Variants in PPM1B observed in about 807,000 individuals in gnomAD.
PPM1B encodes protein phosphatase 1B.
PPM1B carries 22 observed loss-of-function variants against 43.0 expected under a neutral mutation model. That is an observed-to-expected ratio of 0.51 (90% CI 0.37 to 0.73). The LOEUF (loss-of-function observed/expected upper bound fraction) is 0.73. Among genes scored for constraint, PPM1B ranks in the 30% least tolerant of loss-of-function variants. The pLI is 0.00. For synonymous variants in PPM1B, 217 were observed against 197.9 expected (o/e 1.10, Z -0.81); for missense variants, 632 against 584.2 (o/e 1.08, Z -0.84).
At chr2:44,238,339 T>C (rs899948312), downstream of PPM1B, among the ~76,000 whole-genome samples, 36 of 152,332 alleles carry the variant, frequency 2.4e-4, no homozygotes, top group Non-Finnish European at 4.6e-4. Flanking sequence ...ATATTTGCTA[T>C]TAAAATTGTA....
chr2:44,216,454 C>G (rs1182861670), intron 3 of PPM1B, among the ~76,000 whole-genome samples: 1 of 152,132 alleles, frequency 6.6e-6, no homozygotes, highest in African/African-American at 2.4e-5. Flanking sequence ...ACTTACAGTC[C>G]TGCTTTCATG....
chr2:44,223,072 T>C (rs1670047562), intron 5 of PPM1B, among the ~76,000 whole-genome samples: 1 of 152,186 alleles, frequency 6.6e-6, no homozygotes, highest in African/African-American at 2.4e-5. Context: ...GCTCAAGTTA[T>C]CTTCCTACCT....
intron 3 of PPM1B, among the ~76,000 whole-genome samples, chr2:44,211,246 C>T (rs534250780): frequency 2.6e-5 from 4 of 152,200 alleles, no homozygotes; most frequent in Non-Finnish European, 5.9e-5. Flanking sequence ...GTCCAGGATG[C>T]AGTCTAGAGC....
At position 44,169,285 on chromosome 2, in the gene PPM1B, C is replaced by G. The variant is rs1211350455; in HGVS notation, c.-15+11C>G. The G allele has an allele frequency of 6.6e-6, 1 of 152,488 alleles. No individual in the cohort carries two copies. The highest frequency in any genetic ancestry group is 2.4e-5 in the African/African-American group (1 of 41,472). The allele number at this position is 152,488 out of a possible 1,614,324, so 9.4% of individuals were successfully genotyped here. On this transcript the variant is annotated intron_variant, in intron 1 of 5. Transcript: ENST00000282412. ...CCTCCCTTGCCTCAGGTAAGGCCGC[C>G]CGGCACCCCGCCGGAGGGGAAGCGG...
At chr2:44,202,142 T>A (rs1022768792) in intron 2 of PPM1B, 97 bp downstream of exon 2, 4 of 1,205,872 alleles carry the variant, frequency 3.3e-6, no homozygotes, top group Admixed American at 2.9e-5. Context: ...CTTTTAATAT[T>A]TTCACAGAAG....
intron 1 of PPM1B, among the ~76,000 whole-genome samples, chr2:44,192,131 A>G (rs578230695): frequency 1.9e-4 from 28 of 147,530 alleles, no homozygotes; most frequent in Admixed American, 1.6e-3. Context: ...CTAAACTTTT[A>G]TTGACAATTT....
At chr2:44,181,431 G>A (rs1667869626) in intron 1 of PPM1B, among the ~76,000 whole-genome samples, 1 of 152,170 alleles carries the variant, frequency 6.6e-6, no homozygotes, top group Non-Finnish European at 1.5e-5. Context: ...GACATTTAAG[G>A]TGTGTTTTAG....
chr2:44,246,611 A>G (rs1390204817), downstream of PPM1B, among the ~76,000 whole-genome samples: 2 of 152,224 alleles, frequency 1.3e-5, no homozygotes, highest in Non-Finnish European at 2.9e-5. Flanking sequence ...TTATCTGCTC[A>G]TATTTCTCCA....
Position 44,223,384 on chromosome 2 carries a change from C to T in PPM1B, c.1134+4847C>T, listed in dbSNP as rs562209933. Among the ~76,000 whole-genome samples, 8 of 152,234 alleles carry T rather than the reference C, an allele frequency of 5.3e-5. No individual in the cohort carries two copies. In the South Asian group the frequency reaches 1.2e-3, roughly 24 times the overall value. On this transcript the variant is annotated intron_variant, in intron 5 of 5. Coordinates refer to ENST00000282412, the MANE Select transcript of PPM1B (RefSeq NM_002706.6). ...ATGCATTTTTCTGTTTTACTTTAAA[C>T]GGATAAATGCAATACCCATAGCTGC...
At chr2:44,196,514 C>G (rs11892447) in intron 1 of PPM1B, among the ~76,000 whole-genome samples, 9 of 152,188 alleles carry the variant, frequency 5.9e-5, no homozygotes, top group African/African-American at 2.2e-4. Context: ...GAGTTATTCT[C>G]TCCCTCGTTT....
downstream of PPM1B, among the ~76,000 whole-genome samples, chr2:44,237,609 G>A (rs753131133): frequency 6.6e-6 from 1 of 152,192 alleles, no homozygotes; most frequent in Non-Finnish European, 1.5e-5. Context: ...TGGAAAGGTA[G>A]AATGAAAGAC....
chr2:44,215,937 T>C (rs554536766), intron 3 of PPM1B, among the ~76,000 whole-genome samples: 2 of 152,206 alleles, frequency 1.3e-5, no homozygotes, highest in South Asian at 2.1e-4. Flanking sequence ...TTCCAGGCAA[T>C]GACAACAGCA....
intron 5 of PPM1B, among the ~76,000 whole-genome samples, chr2:44,240,404 T>C (rs1670720105): frequency 6.9e-6 from 1 of 145,966 alleles, no homozygotes; most frequent in African/African-American, 2.5e-5. Flanking sequence ...AACTATACCA[T>C]GCCAAGTCAT....
At chr2:44,222,734 G>T (rs971787266) in intron 5 of PPM1B, among the ~76,000 whole-genome samples, 5 of 152,132 alleles carry the variant, frequency 3.3e-5, no homozygotes, top group African/African-American at 1.2e-4. Flanking sequence ...GCCTCTTTAA[G>T]GTAGAGATTA....
chr2:44,208,484 G>A (rs1447274616), intron 2 of PPM1B, among the ~76,000 whole-genome samples: 2 of 151,982 alleles, frequency 1.3e-5, no homozygotes, highest in Non-Finnish European at 2.9e-5. Context: ...AGGCTGAGGT[G>A]GGTGGATCAC....
At chr2:44,220,838 T>A in intron 5 of PPM1B, among the ~76,000 whole-genome samples, 1 of 152,198 alleles carries the variant, frequency 6.6e-6, no homozygotes, top group East Asian at 1.9e-4. Flanking sequence ...TGAAGAATGA[T>A]TTGAATGGTA....
intron 1 of PPM1B, among the ~76,000 whole-genome samples, chr2:44,179,502 T>A (rs1363296108): frequency 6.6e-6 from 1 of 152,190 alleles, no homozygotes; most frequent in Non-Finnish European, 1.5e-5. Context: ...CTCTTTTTTT[T>A]AATCTAAGGA....
At position 44,212,447 on chromosome 2, in the gene PPM1B, C is replaced by T. The variant is rs77338301; in HGVS notation, c.964+3120C>T. On this transcript the variant is annotated intron_variant, in intron 3 of 5. Coordinates refer to ENST00000282412, the MANE Select transcript of PPM1B (RefSeq NM_002706.6). Reference sequence around the variant, plus strand: ...TAGGCATGAATATCCCATTCTGGATCAATTTGTGGCCACTATTTCCCCCTC... The same window carrying T: ...TAGGCATGAATATCCCATTCTGGATTAATTTGTGGCCACTATTTCCCCCTC... 1.9e-3 allele frequency among the ~76,000 whole-genome samples: 291 copies of T among 152,258 alleles called. 2 individuals carry two copies. Among genetic ancestry groups the T allele is most frequent in the South Asian group, 3.3e-3 (16 of 4,828 alleles).
At chr2:44,183,891 A>C (rs1668002922) in intron 1 of PPM1B, among the ~76,000 whole-genome samples, 1 of 152,086 alleles carries the variant, frequency 6.6e-6, no homozygotes, top group Non-Finnish European at 1.5e-5. Flanking sequence ...GGCATCCGCC[A>C]CCGTCCCTGG....
Sources: gnomAD v4.1 joint callset for allele counts (sites outside exome capture counted in the v4.1 genomes callset) on GRCh38, gnomAD v4.1.1 for gene constraint, MANE v1.5 for transcripts, NCBI Gene and HGNC (gene_info 2026-07-23, HGNC 2026-07-21) for gene names.